Variants in MANSC4 observed in about 807,000 individuals in gnomAD.
The protein encoded by MANSC4 is MANSC domain-containing protein 4.
A neutral mutation model predicts 11.4 loss-of-function variants in MANSC4; 11 were observed. That is an observed-to-expected ratio of 0.97 (90% CI 0.61 to 1.60). MANSC4 has a LOEUF of 1.60. Among genes scored for constraint, MANSC4 ranks in the 40% most tolerant of loss-of-function variants. The pLI is 0.00. For missense variants in MANSC4, 354 were observed against 404.6 expected, an observed-to-expected ratio of 0.88 and a Z score of 1.07; for synonymous variants, 123 against 147.1, an observed-to-expected ratio of 0.84 and a Z score of 1.19.
chr12:27,777,290 A>C (rs898604023), intron 1 of MANSC4, among the ~76,000 whole-genome samples: 2 of 152,210 alleles, frequency 1.3e-5, no homozygotes, highest in Non-Finnish European at 2.9e-5. Flanking sequence ...AAACAAAAGC[A>C]TCCATTGGTG....
rs36071035 is a variant in MANSC4 at position 27,766,073 on chromosome 12, C to CT, written c.364+591dup. ...AGTGGCCCCTCAGCCACCACAGGAC[C>CT]TTTTTTTTTTTTTGAGGCAGATTCT... On this transcript the variant is annotated intron_variant, in intron 3 of 3. Coordinates refer to ENST00000381273, the MANE Select transcript of MANSC4 (RefSeq NM_001146221.5). 3.1e-3 allele frequency among the ~76,000 whole-genome samples: 450 copies of CT among 143,316 alleles called. 1 individual carries two copies. Among genetic ancestry groups the CT allele is most frequent in the African/African-American group, 4.8e-3 (188 of 39,246 alleles). 94.0% of individuals were successfully genotyped at this position (143,316 alleles called of 152,430 possible). A position where few individuals can be genotyped will look rare whatever the true frequency, so the allele number is the denominator to read the frequency against.
At chr12:27,767,966 C>T (rs537983707) in intron 2 of MANSC4, among the ~76,000 whole-genome samples, 3 of 152,300 alleles carry the variant, frequency 2.0e-5, no homozygotes, top group African/African-American at 7.2e-5. Context: ...AAAATCACAT[C>T]CAAGGGAAAG....
chr12:27,766,887 G>T, intron 2 of MANSC4, 88 bp from the exon 3 acceptor site: 2 of 1,393,354 alleles, frequency 1.4e-6, no homozygotes, highest in Non-Finnish European at 1.9e-6. Flanking sequence ...TTTGTTTCAG[G>T]AATACTGGAT....
At position 27,771,391 on chromosome 12, in the gene MANSC4, TGC is replaced by T; in HGVS notation, c.-117_-116del. ...AGGTGTTGTTAAGGGAGAGCTTCCT[TGC>T]AGCTTTTCTGGAGAGTCACTTTCTA... On this transcript the variant is annotated 5_prime_UTR_variant, in exon 2 of 4. Coordinates refer to ENST00000381273, the MANE Select transcript of MANSC4 (RefSeq NM_001146221.5). The T allele has an allele frequency of 1.1e-6, 1 of 885,740 alleles. No individual in the cohort carries two copies. Among genetic ancestry groups the T allele is most frequent in the Non-Finnish European group, 1.7e-6 (1 of 589,492 alleles). The allele number at this position is 885,740 out of a possible 1,614,324, so 54.9% of individuals were successfully genotyped here.
At chr12:27,776,633 G>A (rs1386818322) in intron 1 of MANSC4, among the ~76,000 whole-genome samples, 1 of 152,104 alleles carries the variant, frequency 6.6e-6, no homozygotes, top group Non-Finnish European at 1.5e-5. Flanking sequence ...GGGAGGCTGA[G>A]GTGGGAGGAG....
chr12:27,765,339 A>G (rs1354929699), intron 3 of MANSC4, among the ~76,000 whole-genome samples: 2 of 152,122 alleles, frequency 1.3e-5, no homozygotes, highest in African/African-American at 4.8e-5. Flanking sequence ...GGACAAATAG[A>G]TATCACTTCA....
chr12:27,769,995 C>T (rs1051414423), intron 2 of MANSC4, among the ~76,000 whole-genome samples: 20 of 152,252 alleles, frequency 1.3e-4, no homozygotes, highest in African/African-American at 2.4e-4. Flanking sequence ...GAAGTCTACA[C>T]GCAGATTCCA....
intron 2 of MANSC4, among the ~76,000 whole-genome samples, chr12:27,768,113 C>G (rs1316310391): frequency 6.6e-6 from 1 of 151,998 alleles, no homozygotes; most frequent in Non-Finnish European, 1.5e-5. Context: ...AAAACATGTT[C>G]TCTGGCCAGG....
chr12:27,772,781 G>A (rs143680446), intron 1 of MANSC4, among the ~76,000 whole-genome samples: 29 of 152,304 alleles, frequency 1.9e-4, no homozygotes, highest in African/African-American at 7.0e-4. Flanking sequence ...GGGAAAGGAT[G>A]AGTAACAAAA....
At chr12:27,774,163 C>CAA (rs67900444) in intron 1 of MANSC4, among the ~76,000 whole-genome samples, 1 of 148,784 alleles carries the variant, frequency 6.7e-6, no homozygotes, top group Non-Finnish European at 1.5e-5. Flanking sequence ...AACCAAAAAA[C>CAA]AAAACAAAAA....
Position 27,763,150 on chromosome 12 carries a change from G to C in MANSC4, c.611C>G (p.Thr204Ser). Residue 204 changes from threonine to serine, a missense_variant, in exon 4 of 4, where the codon ACT becomes AGT. Transcript: ENST00000381273. ...TGTGGTAATGGACTCATTCAGGGAA[G>C]TAAATCTTGCCCAAAAATCTGTGGT... is the stretch of plus-strand genomic sequence containing the variant. ...ELTTDFWARF[T>S]SLNESITTKI... 6.4e-7 allele frequency: 1 copy of C among 1,551,728 alleles called. No individual in the cohort carries two copies. The highest frequency in any genetic ancestry group is 1.4e-5 in the African/African-American group (1 of 73,184).
At chr12:27,775,500 T>C (rs1032239604) in intron 1 of MANSC4, among the ~76,000 whole-genome samples, 2 of 152,150 alleles carry the variant, frequency 1.3e-5, no homozygotes, top group Admixed American at 6.5e-5. Context: ...GCACTCCAAC[T>C]TAGGCAACAG....
chr12:27,779,970 G>C (rs1265756543), intron 1 of MANSC4: 2 of 151,438 alleles, frequency 1.3e-5, no homozygotes, highest in East Asian at 3.9e-4. Context: ...TCAGGCCGGC[G>C]GCTGGGGTCC....
At chr12:27,767,040 T>G (rs1019773699) in intron 2 of MANSC4, among the ~76,000 whole-genome samples, 1 of 152,100 alleles carries the variant, frequency 6.6e-6, no homozygotes, top group African/African-American at 2.4e-5. Flanking sequence ...AGTGCAGTGG[T>G]GCGATTACAG....
At chr12:27,770,721 G>T (rs1206632162) in intron 2 of MANSC4, among the ~76,000 whole-genome samples, 1 of 152,096 alleles carries the variant, frequency 6.6e-6, no homozygotes, top group Non-Finnish European at 1.5e-5. Flanking sequence ...TTAAAATCAT[G>T]TATATTTTGA....
Position 27,763,388 on chromosome 12 carries a change from G to A in MANSC4, c.373C>T (p.Pro125Ser), listed in dbSNP as rs1323267154. Residue 125 changes from proline to serine, a missense_variant, in exon 4 of 4, where the codon CCG becomes TCG. Pro to Ser is a moderately conservative substitution (Grantham distance 74). Transcript: ENST00000381273. ...GATTGTTCAAAAACCAGCAAATCCG[G>A]ATCTATACCTGAAAAATAAATAAGG... ...ILYNITDGID[P>S]DLLVFEQSPT... The A allele has an allele frequency of 6.5e-7, 1 of 1,537,660 alleles. No homozygotes were observed. The highest frequency in any genetic ancestry group is 8.8e-7 in the Non-Finnish European group (1 of 1,140,676).
chr12:27,763,930 G>T (rs2062059991), intron 3 of MANSC4, among the ~76,000 whole-genome samples: 1 of 151,916 alleles, frequency 6.6e-6, no homozygotes, highest in Non-Finnish European at 1.5e-5. Context: ...ATGGAGTTTT[G>T]TCATGTTGCC....
intron 2 of MANSC4, among the ~76,000 whole-genome samples, chr12:27,770,414 C>T (rs996427085): frequency 1.3e-5 from 2 of 150,732 alleles, no homozygotes; most frequent in Non-Finnish European, 3.0e-5. Flanking sequence ...CTCCTGACCT[C>T]GAGTGATCCA....
At chr12:27,770,933 C>T in intron 2 of MANSC4, 115 bp downstream of exon 2, 1 of 726,974 alleles carries the variant, frequency 1.4e-6, no homozygotes, top group African/African-American at 1.8e-5. Context: ...CACCCTAGGG[C>T]ATCTTCTCTA....
Sources: gnomAD v4.1 joint callset for allele counts (sites outside exome capture counted in the v4.1 genomes callset) on GRCh38, gnomAD v4.1.1 for gene constraint, MANE v1.5 for transcripts, NCBI Gene and HGNC (gene_info 2026-07-23, HGNC 2026-07-21) for gene names.